Variants in ZNF827 observed in about 807,000 individuals in gnomAD.
The protein encoded by ZNF827 is zinc finger protein 827.
Under a neutral mutation model 102.4 loss-of-function variants are expected in ZNF827, and 13 were observed. That is an observed-to-expected ratio of 0.13 (90% CI 0.08 to 0.20). The LOEUF (loss-of-function observed/expected upper bound fraction) is 0.20. ZNF827 is among the 10% of genes least tolerant of loss of function. The pLI is 1.00. For synonymous variants in ZNF827, 523 were observed against 536.2 expected, an observed-to-expected ratio of 0.98 and a Z score of 0.34; for missense variants, 1,103 against 1,344.4, an observed-to-expected ratio of 0.82 and a Z score of 2.81.
chr4:145,859,890 T>C (rs987985754), intron 5 of ZNF827, among the ~76,000 whole-genome samples: 2 of 152,092 alleles, frequency 1.3e-5, no homozygotes, highest in African/African-American at 4.8e-5. Context: ...GTATGAACAA[T>C]GCTTTGGAAG....
At chr4:145,785,400 G>A (rs1738704940) in intron 8 of ZNF827, among the ~76,000 whole-genome samples, 1 of 152,160 alleles carries the variant, frequency 6.6e-6, no homozygotes, top group African/African-American at 2.4e-5. Context: ...TAGAATTTAG[G>A]AAGGAGTTCT....
chr4:145,909,148 T>A (rs1752084941), intron 1 of ZNF827, among the ~76,000 whole-genome samples: 1 of 152,244 alleles, frequency 6.6e-6, no homozygotes, highest in South Asian at 2.1e-4. Flanking sequence ...CCTTACCAAC[T>A]ATTTTACCAT....
At chr4:145,854,008 T>C (rs1258464086) in intron 5 of ZNF827, among the ~76,000 whole-genome samples, 1 of 151,556 alleles carries the variant, frequency 6.6e-6, no homozygotes, top group Non-Finnish European at 1.5e-5. Context: ...TGAGAGAAAT[T>C]ATGGATGAAA....
At chr4:145,878,750 C>CGGAAGGAA (rs996501573) in intron 4 of ZNF827, among the ~76,000 whole-genome samples, 4 of 95,858 alleles carry the variant, frequency 4.2e-5, no homozygotes, top group African/African-American at 1.5e-4. Context: ...GGAGGAAGGG[C>CGGAAGGAA]GGAAGGAAGG....
At chr4:145,830,632 C>T (rs1253369155) in intron 7 of ZNF827, 4 of 152,002 alleles carry the variant, frequency 2.6e-5, no homozygotes, top group Non-Finnish European at 5.9e-5. Flanking sequence ...TTAATAGACG[C>T]TTATATTTCT....
At chr4:145,897,117 G>C (rs1017270294) in intron 2 of ZNF827, among the ~76,000 whole-genome samples, 1 of 152,158 alleles carries the variant, frequency 6.6e-6, no homozygotes, top group Non-Finnish European at 1.5e-5. Flanking sequence ...CTCTCTACCA[G>C]TTAGTGGCAG....
intron 8 of ZNF827, among the ~76,000 whole-genome samples, chr4:145,789,721 T>C (rs192489858): frequency 6.6e-5 from 10 of 152,336 alleles, no homozygotes; most frequent in Non-Finnish European, 1.0e-4. Flanking sequence ...GAAAATCTAA[T>C]GGTTCTAATT....
intron 5 of ZNF827, among the ~76,000 whole-genome samples, chr4:145,853,607 CA>C (rs933498012): frequency 2.7e-5 from 4 of 150,076 alleles, no homozygotes; most frequent in African/African-American, 9.8e-5. Context: ...AAACAACCCA[CA>C]AAAAAACAAA....
At chr4:145,870,573 A>G in intron 4 of ZNF827, 95 bp from the exon 5 acceptor site, 1 of 1,112,136 alleles carries the variant, frequency 9.0e-7, no homozygotes, top group Admixed American at 2.1e-5. Context: ...GCACAATCAC[A>G]CTGTGCTAAC....
rs1184874658 is a variant in ZNF827, at chr4:145,867,704, G to T, written c.1981+2541C>A. 3.3e-5 allele frequency among the ~76,000 whole-genome samples: 5 copies of T among 152,318 alleles called. No homozygotes were observed. The East Asian group carries it at 9.6e-4, about 29-fold the overall frequency. ...TCAACCAACTCTTCCTGACCAGAAAGATTTTCCCAAGCATATGGGAAGACT... is the reference window on the plus strand; with the variant it reads ...TCAACCAACTCTTCCTGACCAGAAATATTTTCCCAAGCATATGGGAAGACT... On this transcript the variant is annotated intron_variant, in intron 5 of 14. Transcript: ENST00000508784.
At chr4:145,837,475 C>T (rs1744967400) in intron 7 of ZNF827, among the ~76,000 whole-genome samples, 1 of 139,830 alleles carries the variant, frequency 7.2e-6, no homozygotes, top group African/African-American at 2.6e-5. Flanking sequence ...GTGCCCCCCA[C>T]CAAAAAAAAA....
intron 8 of ZNF827, among the ~76,000 whole-genome samples, chr4:145,797,402 T>G (rs963830021): frequency 2.0e-5 from 3 of 152,174 alleles, no homozygotes; most frequent in African/African-American, 7.2e-5. Flanking sequence ...CTACTGCTCT[T>G]CTATAATAAC....
intron 4 of ZNF827, among the ~76,000 whole-genome samples, chr4:145,877,262 A>G (rs1025624129): frequency 1.3e-5 from 2 of 152,206 alleles, no homozygotes; most frequent in Non-Finnish European, 2.9e-5. Context: ...GTGCGGTTCT[A>G]TCCAACCAAG....
chr4:145,819,504 C>T (rs1297652459), intron 8 of ZNF827, among the ~76,000 whole-genome samples: 1 of 152,176 alleles, frequency 6.6e-6, no homozygotes, highest in Non-Finnish European at 1.5e-5. Context: ...CACCCACATG[C>T]CCTGAAAATC....
chr4:145,789,236 C>G (rs1191516574), intron 8 of ZNF827, among the ~76,000 whole-genome samples: 1 of 151,934 alleles, frequency 6.6e-6, no homozygotes, highest in Non-Finnish European at 1.5e-5. Flanking sequence ...TTTCTGAATT[C>G]TTTATTATGG....
Position 145,892,271 on chromosome 4 carries a change from C to T in ZNF827, c.1238G>A (p.Arg413His). ...QCPLCPFRCA[R>H]KDNLKSHMKV... ...CATGTGGGATTTGAGATTGTCCTTG[C>T]GAGCACACCGGAATGGACAGAGCGG... Residue 413 changes from arginine (R) to histidine (H), a missense_variant, in exon 3 of 15, where the codon CGC (arginine) becomes CAC (histidine). Coordinates refer to ENST00000508784, the MANE Select transcript of ZNF827 (RefSeq NM_001306215.2). The T allele has an allele frequency of 1.2e-6, 2 of 1,611,662 alleles. No individual in the cohort carries two copies. The highest frequency in any genetic ancestry group is 1.7e-6 in the Non-Finnish European group (2 of 1,178,582).
intron 4 of ZNF827, among the ~76,000 whole-genome samples, chr4:145,881,644 C>T (rs1579462312): frequency 6.6e-6 from 1 of 152,198 alleles, no homozygotes; most frequent in African/African-American, 2.4e-5. Flanking sequence ...ATGCTCTGCA[C>T]TGAATCTTGA....
At chr4:145,912,261 G>C (rs917706951) in intron 1 of ZNF827, among the ~76,000 whole-genome samples, 8 of 152,172 alleles carry the variant, frequency 5.3e-5, no homozygotes, top group Non-Finnish European at 1.0e-4. Flanking sequence ...AGGAGCTACT[G>C]GAACTTTTCA....
chr4:145,853,897 C>T (rs777435397), intron 5 of ZNF827, among the ~76,000 whole-genome samples: 1 of 150,966 alleles, frequency 6.6e-6, no homozygotes, highest in African/African-American at 2.4e-5. Context: ...CCTGGGAGGT[C>T]GAGGCTGCAG....
Sources: allele counts gnomAD v4.1 joint callset (sites outside exome capture counted in the v4.1 genomes callset), GRCh38; gene constraint gnomAD v4.1.1; transcripts MANE v1.5; gene names NCBI Gene and HGNC (gene_info 2026-07-23, HGNC 2026-07-21).